C1orf94: variants seen among roughly 807,000 people sequenced by gnomAD.
The protein encoded by C1orf94 is uncharacterized protein C1orf94.
C1orf94 carries 45 observed loss-of-function variants against 53.6 expected under a neutral mutation model. That is an observed-to-expected ratio of 0.84 (90% CI 0.66 to 1.08). The LOEUF is 1.08. Ranked by LOEUF, C1orf94 falls within the 50% of genes least tolerant of loss-of-function variation. C1orf94 has a pLI of 0.00. For missense variants in C1orf94, 762 were observed against 738.9 expected, an observed-to-expected ratio of 1.03 and a Z score of -0.36; for synonymous variants, 304 against 296.1, an observed-to-expected ratio of 1.03 and a Z score of -0.27.
intron 1 of C1orf94, among the ~76,000 whole-genome samples, chr1:34,195,318 G>T (rs1462720305): frequency 6.6e-6 from 1 of 152,172 alleles, no homozygotes; most frequent in African/African-American, 2.4e-5. Flanking sequence ...CCATGAGGCA[G>T]GTGATGTTAG....
intron 6 of C1orf94, 37 bp from the exon 7 acceptor site, chr1:34,218,649 G>C (rs774542937): frequency 6.5e-7 from 1 of 1,527,740 alleles, no homozygotes. Flanking sequence ...ATAACATTAG[G>C]AATCTCATCA....
chr1:34,189,344 A>AGT lies in C1orf94; in HGVS notation c.321-7867_321-7866dup, dbSNP rs142487428. On this transcript the variant is annotated intron_variant, in intron 1 of 6. Coordinates refer to ENST00000488417, the MANE Select transcript of C1orf94 (RefSeq NM_001134734.2). ...TGGTGCATGGGTGTATATGTGCCCG[A>AGT]GTGTGTGTGTGTGTGGCGGGGGGTG... is the stretch of plus-strand genomic sequence containing the variant. Among the ~76,000 whole-genome samples, 341 of 150,444 alleles carry AGT rather than the reference A, an allele frequency of 2.3e-3. 1 individual carries two copies. The highest frequency in any genetic ancestry group is 7.6e-3 in the African/African-American group (311 of 40,904).
intron 1 of C1orf94, among the ~76,000 whole-genome samples, chr1:34,191,420 C>A (rs1359394037): frequency 2.0e-5 from 3 of 152,144 alleles, no homozygotes; most frequent in Non-Finnish European, 4.4e-5. Flanking sequence ...TGACCTCCCC[C>A]ACCCCCATTA....
intron 3 of C1orf94, 26 bp from the exon 4 acceptor site, chr1:34,202,058 C>T (rs776495377): frequency 1.2e-5 from 20 of 1,606,476 alleles, no homozygotes; most frequent in Middle Eastern, 1.7e-4. Context: ...ATCACTGACC[C>T]GCTTTGCCTC....
rs539041427 is a variant in C1orf94 at position 34,211,271 on chromosome 1, C to G, written c.1525-939C>G. Among the ~76,000 whole-genome samples, 9 of 152,268 alleles carry G rather than the reference C, an allele frequency of 5.9e-5. No homozygotes were observed. The South Asian group carries it at 1.9e-3, about 32-fold the overall frequency. The stretch of plus-strand genomic sequence containing the variant: ...CCCTCCTTCCTTCTGCCCGTCTTTG[C>G]TTTCCTCTCTCTCCCTTTCTTGCAT... On this transcript the variant is annotated intron_variant, in intron 5 of 6. Transcript: ENST00000488417.
chr1:34,175,538 T>C (rs1310741232), upstream of C1orf94, among the ~76,000 whole-genome samples: 2 of 152,150 alleles, frequency 1.3e-5, no homozygotes, highest in Non-Finnish European at 2.9e-5. Context: ...ATCTTCAATT[T>C]TGTAATGAAA....
chr1:34,217,519 C>A (rs1643009814), intron 6 of C1orf94, among the ~76,000 whole-genome samples: 1 of 152,154 alleles, frequency 6.6e-6, no homozygotes, highest in South Asian at 2.1e-4. Flanking sequence ...GGTGGGGTTA[C>A]CGCTGGCATG....
intron 4 of C1orf94, among the ~76,000 whole-genome samples, chr1:34,205,474 A>C (rs1040067027): frequency 2.6e-5 from 4 of 152,338 alleles, no homozygotes; most frequent in African/African-American, 9.6e-5. Context: ...GTTAGGCCTT[A>C]GGCTGGTTAG....
At chr1:34,202,549 G>A (rs541933674) in intron 4 of C1orf94, among the ~76,000 whole-genome samples, 5 of 152,238 alleles carry the variant, frequency 3.3e-5, no homozygotes, top group South Asian at 2.1e-4. Flanking sequence ...TCCATTGTCC[G>A]AATTCCAGTT....
intron 6 of C1orf94, among the ~76,000 whole-genome samples, chr1:34,213,707 A>AT (rs1168913682): frequency 6.6e-6 from 1 of 151,642 alleles, no homozygotes; most frequent in African/African-American, 2.4e-5. Context: ...CACCCAGCTA[A>AT]TTTTTGTATT....
rs1184537142 is a variant in C1orf94 at position 34,177,274 on chromosome 1, G to A, written c.-516G>A. On this transcript the variant is annotated 5_prime_UTR_variant, in exon 1 of 7. Coordinates refer to ENST00000488417, the MANE Select transcript of C1orf94 (RefSeq NM_001134734.2). ...GCCGTTGACGCTCGCTCTGCGAGGG[G>A]CTCCCTGGGAACGCCCAGGCGAGCG... 3.3e-5 allele frequency among the ~76,000 whole-genome samples: 5 copies of A among 152,226 alleles called. No homozygotes were observed. The East Asian group carries it at 9.7e-4, about 29-fold the overall frequency.
At position 34,193,688 on chromosome 1, in the gene C1orf94, C is replaced by A. The variant is rs144365282; in HGVS notation, c.321-3537C>A. Reference sequence around the variant, plus strand: ...TTCCCATATGTAAAGTGGGGATGATCCAGGCTACTGCCCAGGCATATGGGT... The same window carrying A: ...TTCCCATATGTAAAGTGGGGATGATACAGGCTACTGCCCAGGCATATGGGT... On this transcript the variant is annotated intron_variant, in intron 1 of 6. Transcript: ENST00000488417. Among the ~76,000 whole-genome samples the A allele has an allele frequency of 1.1e-3, 164 of 152,310 alleles. 1 individual carries two copies. The highest frequency in any genetic ancestry group is 3.6e-3 in the African/African-American group (148 of 41,572).
At chr1:34,171,077 C>T (rs558446983) in intron 1 of C1orf94, among the ~76,000 whole-genome samples, 6 of 152,310 alleles carry the variant, frequency 3.9e-5, no homozygotes, top group South Asian at 2.1e-4. Context: ...CTGTCTTCCC[C>T]GGACTTTCCC....
At chr1:34,214,524 G>A (rs781173986) in intron 6 of C1orf94, among the ~76,000 whole-genome samples, 4 of 152,184 alleles carry the variant, frequency 2.6e-5, no homozygotes, top group Non-Finnish European at 5.9e-5. Flanking sequence ...TAGAGACCCA[G>A]ACAAGCCCCC....
rs568236195 is a variant in C1orf94, at chr1:34,198,768, G to T, written c.1009+855G>T. Among the ~76,000 whole-genome samples the T allele has an allele frequency of 3.0e-4, 45 of 152,332 alleles. No homozygotes were observed. In the Middle Eastern group the frequency reaches 0.01, roughly 35 times the overall value. Reference sequence around the variant, plus strand: ...AGCAAAGTCATCCTGAACATTCTGTGTCCTGGAGCATTGCAGGAAGGCCAA... The same window carrying T: ...AGCAAAGTCATCCTGAACATTCTGTTTCCTGGAGCATTGCAGGAAGGCCAA... On this transcript the variant is annotated intron_variant, in intron 2 of 6. Coordinates refer to ENST00000488417, the MANE Select transcript of C1orf94 (RefSeq NM_001134734.2).
intron 3 of C1orf94, 64 bp downstream of exon 3, chr1:34,201,096 A>G (rs1642700353): frequency 6.5e-7 from 1 of 1,527,420 alleles, no homozygotes; most frequent in Non-Finnish European, 8.8e-7. Context: ...CACAGGCTTC[A>G]GGGTGGCTCT....
At chr1:34,183,106 T>C (rs1335624939) in intron 1 of C1orf94, among the ~76,000 whole-genome samples, 1 of 152,198 alleles carries the variant, frequency 6.6e-6, no homozygotes, top group African/African-American at 2.4e-5. Context: ...TATTCCAAGC[T>C]TGAGCCCCTG....
chr1:34,181,189 C>T (rs1642307655), intron 1 of C1orf94, among the ~76,000 whole-genome samples: 1 of 152,220 alleles, frequency 6.6e-6, no homozygotes, highest in Admixed American at 6.5e-5. Context: ...TAGTGAAAGA[C>T]AGCAAGACAG....
At chr1:34,212,123 CAG>C in intron 5 of C1orf94, 85 bp from the exon 6 acceptor site, 2 of 1,242,784 alleles carry the variant, frequency 1.6e-6, no homozygotes, top group Non-Finnish European at 2.2e-6. Flanking sequence ...CTGAGGAGCA[CAG>C]GGGCTGAGAC....
Sources: gnomAD v4.1 joint callset for allele counts (sites outside exome capture counted in the v4.1 genomes callset) on GRCh38, gnomAD v4.1.1 for gene constraint, MANE v1.5 for transcripts, NCBI Gene and HGNC (gene_info 2026-07-23, HGNC 2026-07-21) for gene names.